CERS3: variants seen among roughly 807,000 people sequenced by gnomAD.
CERS3 encodes ceramide synthase 3.
CERS3 carries 33 observed loss-of-function variants against 50.3 expected under a neutral mutation model. The ratio of observed to expected loss-of-function variants is 0.66; its 90% CI spans 0.50 to 0.88. The LOEUF (loss-of-function observed/expected upper bound fraction) is 0.88, where lower values mean the gene tolerates loss of function less well. Ranked by LOEUF, CERS3 falls within the 40% of genes least tolerant of loss-of-function variation. The probability of loss-of-function intolerance (pLI) is 0.00; values close to 1 mark genes in which losing one functional copy is unlikely to be tolerated. For synonymous variants in CERS3, 176 were observed against 155.2 expected (o/e 1.13, Z -0.99); for missense variants, 470 against 460.3 (o/e 1.02, Z -0.19).
At chr15:100,494,592 G>A (rs1056229290) in intron 3 of CERS3, among the ~76,000 whole-genome samples, 9 of 152,068 alleles carry the variant, frequency 5.9e-5, no homozygotes, top group African/African-American at 1.4e-4. Flanking sequence ...GAGCACTGAA[G>A]GCTTTATTAG....
At chr15:100,538,439 A>T (rs765992684) in intron 1 of CERS3, among the ~76,000 whole-genome samples, 1 of 152,228 alleles carries the variant, frequency 6.6e-6, no homozygotes, top group African/African-American at 2.4e-5. Context: ...AGGCATTTCT[A>T]TACATCCTCT....
At chr15:100,403,007 A>G in intron 11 of CERS3, 142 bp from the exon 12 acceptor site, 1 of 796,630 alleles carries the variant, frequency 1.3e-6, no homozygotes, top group Non-Finnish European at 1.9e-6. Flanking sequence ...AAGATTGACT[A>G]TATCATGGAT....
intron 11 of CERS3, among the ~76,000 whole-genome samples, chr15:100,430,711 T>C (rs2033081963): frequency 6.9e-6 from 1 of 145,454 alleles, no homozygotes. Flanking sequence ...TTTCACTGTA[T>C]GAAAAAAATA....
intron 4 of CERS3, among the ~76,000 whole-genome samples, chr15:100,488,911 G>A (rs990047378): frequency 2.6e-5 from 4 of 151,918 alleles, no homozygotes; most frequent in South Asian, 4.2e-4. Flanking sequence ...CAAGTAGCTG[G>A]GATTACAGGC....
rs2036005754 is a variant in CERS3 at position 100,501,728 on chromosome 15, A to G, written c.122T>C (p.Val41Ala). Reference sequence around the variant, plus strand: ...CAAGAGAAAAGCATATGGAATTGTCACGTATAAATGAGAAGGTTTTACAAA... The same window carrying G: ...CAAGAGAAAAGCATATGGAATTGTCGCGTATAAATGAGAAGGTTTTACAAA... ...LVFVKPSHLY[V>A]TIPYAFLLLI... is the part of the protein sequence containing the mutation. Residue 41 changes from valine to alanine, a missense_variant, in exon 3 of 12, where the codon GTG (valine) becomes GCG (alanine). Coordinates refer to ENST00000679737, the MANE Select transcript of CERS3 (RefSeq NM_001378789.1). 6.2e-7 allele frequency: 1 copy of G among 1,614,010 alleles called. No homozygotes were observed. Among genetic ancestry groups the G allele is most frequent in the Non-Finnish European group, 8.5e-7 (1 of 1,179,834 alleles).
chr15:100,414,259 A>C (rs939445650), intron 11 of CERS3, among the ~76,000 whole-genome samples: 2 of 152,104 alleles, frequency 1.3e-5, no homozygotes, highest in Non-Finnish European at 2.9e-5. Context: ...ACTACAAACC[A>C]CTCCTCAAGG....
intron 1 of CERS3, among the ~76,000 whole-genome samples, chr15:100,535,542 CTATG>C (rs2037050279): frequency 6.7e-6 from 1 of 149,738 alleles, no homozygotes; most frequent in African/African-American, 2.5e-5. Flanking sequence ...GGGGATATGC[CTATG>C]CTCATATGTA....
In CERS3 at chr15:100,412,645, G is replaced by T. The variant is rs8038815; in HGVS notation, c.1000-9780C>A. On this transcript the variant is annotated intron_variant, in intron 11 of 11. Transcript: ENST00000679737. ...AAGAAAAATAGAGCCAATTTTTGTA[G>T]CTGTTCCACGTATACAGAATACCTC... Among the ~76,000 whole-genome samples, 1,522 of 152,252 alleles carry T rather than the reference G, an allele frequency of 1.0e-2. 28 individuals carry two copies. Among genetic ancestry groups the T allele is most frequent in the African/African-American group, 0.035 (1,443 of 41,538 alleles).
intron 11 of CERS3, among the ~76,000 whole-genome samples, chr15:100,433,364 C>T (rs2033231505): frequency 6.6e-6 from 1 of 151,416 alleles, no homozygotes. Context: ...TCTCCCCAAA[C>T]AGCTATAGAA....
At position 100,440,084 on chromosome 15, in the gene CERS3, G is replaced by A. The variant is rs147768326; in HGVS notation, c.999+15809C>T. 7.0e-3 allele frequency among the ~76,000 whole-genome samples: 1,073 copies of A among 152,256 alleles called. 12 individuals are homozygous for A. The highest frequency in any genetic ancestry group is 0.024 in the African/African-American group (1,005 of 41,538). ...TCTCTCACCAGTTAATAAGGGAACC[G>A]TTTCTCCATGGGGACAGGAGCTTCT... On this transcript the variant is annotated intron_variant, in intron 11 of 11. Transcript: ENST00000679737.
chr15:100,467,079 C>T (rs942450233), intron 10 of CERS3, among the ~76,000 whole-genome samples: 8 of 151,956 alleles, frequency 5.3e-5, no homozygotes, highest in African/African-American at 1.9e-4. Context: ...TGGTCTCGAA[C>T]TCCTGACTTC....
chr15:100,533,217 T>C (rs1274420482), upstream of CERS3, among the ~76,000 whole-genome samples: 2 of 152,092 alleles, frequency 1.3e-5, no homozygotes, highest in Non-Finnish European at 1.5e-5. Context: ...CTCCAGCCCC[T>C]CTCCTGCTTC....
chr15:100,543,065 C>A (rs966746916), intron 1 of CERS3, among the ~76,000 whole-genome samples: 1 of 152,036 alleles, frequency 6.6e-6, no homozygotes, highest in African/African-American at 2.4e-5. Context: ...AGGTGCCCAC[C>A]ACCACACCTG....
At chr15:100,537,425 G>A (rs1029067063) in intron 1 of CERS3, among the ~76,000 whole-genome samples, 1 of 152,326 alleles carries the variant, frequency 6.6e-6, no homozygotes, top group Non-Finnish European at 1.5e-5. Flanking sequence ...ATAAAGAACT[G>A]CTTGAGACTG....
chr15:100,435,488 T>A (rs927112742), intron 11 of CERS3, among the ~76,000 whole-genome samples: 2 of 152,164 alleles, frequency 1.3e-5, no homozygotes, highest in African/African-American at 4.8e-5. Context: ...TGCATTGAAG[T>A]CTTAAATGTA....
intron 11 of CERS3, among the ~76,000 whole-genome samples, chr15:100,432,841 T>A (rs549644458): frequency 7.2e-5 from 11 of 152,302 alleles, no homozygotes; most frequent in African/African-American, 2.4e-4. Context: ...ATGACTGGTA[T>A]CTGAGGGGCT....
chr15:100,502,013 A>C (rs763253493), intron 2 of CERS3, among the ~76,000 whole-genome samples, 163 bp from the exon 3 acceptor site: 1 of 152,018 alleles, frequency 6.6e-6, no homozygotes, highest in Non-Finnish European at 1.5e-5. Context: ...TTGGGAGACC[A>C]AGGCGGGCGG....
intron 10 of CERS3, among the ~76,000 whole-genome samples, chr15:100,460,828 G>A (rs2034526223): frequency 6.6e-6 from 1 of 152,190 alleles, no homozygotes; most frequent in Non-Finnish European, 1.5e-5. Flanking sequence ...GTCTACCGGA[G>A]AATGTGAATA....
At chr15:100,459,779 T>C (rs1041559175) in intron 10 of CERS3, among the ~76,000 whole-genome samples, 1 of 152,312 alleles carries the variant, frequency 6.6e-6, no homozygotes, top group African/African-American at 2.4e-5. Flanking sequence ...TGACCAATAT[T>C]GTATTTTATC....
Sources: gnomAD v4.1 joint callset for allele counts (sites outside exome capture counted in the v4.1 genomes callset) on GRCh38, gnomAD v4.1.1 for gene constraint, MANE v1.5 for transcripts, NCBI Gene and HGNC (gene_info 2026-07-23, HGNC 2026-07-21) for gene names.